Variants in CYBRD1 observed in about 807,000 individuals in gnomAD.
CYBRD1 encodes the protein cytochrome b reductase 1.
A neutral mutation model predicts 21.9 loss-of-function variants in CYBRD1; 14 were observed. The observed-to-expected ratio is 0.64, with a 90% CI of 0.42 to 1.00. The LOEUF (loss-of-function observed/expected upper bound fraction) is 1.00, where lower values mean the gene tolerates loss of function less well. CYBRD1 is among the 50% of genes least tolerant of loss of function. The pLI is 0.00. For missense variants in CYBRD1, 328 were observed against 352.5 expected, an observed-to-expected ratio of 0.93 and a Z score of 0.56; for synonymous variants, 146 against 136.5, an observed-to-expected ratio of 1.07 and a Z score of -0.48.
At position 171,522,536 on chromosome 2, in the gene CYBRD1, T is replaced by C; in HGVS notation, c.-10T>C. On this transcript the variant is annotated 5_prime_UTR_variant, in exon 1 of 4. It removes an upstream start codon present in the reference 5' UTR. Transcript: ENST00000321348. This position sits in a 1 kb window ranked among gnomAD's most constrained non-coding sequence, Gnocchi z 4.3. ...CTTGTGGCCCCCGCGGTGCGGAGTA[T>C]GGGGCGCTGATGGCCATGGAGGGCT... is the stretch of plus-strand genomic sequence containing the variant. 1 of 1,590,724 alleles carries C rather than the reference T, an allele frequency of 6.3e-7. No homozygotes were observed. The highest frequency in any genetic ancestry group is 8.5e-7 in the Non-Finnish European group (1 of 1,169,816).
intron 1 of CYBRD1, among the ~76,000 whole-genome samples, chr2:171,539,118 C>T (rs980703332): frequency 1.3e-5 from 2 of 152,112 alleles, no homozygotes; most frequent in Non-Finnish European, 2.9e-5. Flanking sequence ...TGCGCCTGGC[C>T]TGAAGTTTTA....
rs575086890 is a variant in CYBRD1 at position 171,543,664 on chromosome 2, A to G, written c.402+1871A>G. ...TTGATTAATTAAACAAGATGTTTAA[A>G]TATTGATTAATTAAATCATATATTG... On this transcript the variant is annotated intron_variant, in intron 2 of 3. Transcript: ENST00000321348. Among the ~76,000 whole-genome samples the G allele has an allele frequency of 9.9e-5, 15 of 151,774 alleles. No homozygotes were observed. In the South Asian group the frequency reaches 2.7e-3, roughly 27 times the overall value.
chr2:171,556,537 AAAC>A lies in CYBRD1; in HGVS notation c.*1712_*1714del, dbSNP rs1193103553. 3 of 152,176 alleles carry A rather than the reference AAAC, an allele frequency of 2.0e-5. No individual in the cohort carries two copies. The East Asian group carries it at 5.8e-4, about 29-fold the overall frequency. The allele number at this position is 152,176 out of a possible 1,614,324, so 9.4% of individuals were successfully genotyped here. A position where few individuals can be genotyped will look rare whatever the true frequency, so the allele number is the denominator to read the frequency against. ...GTAGAAACTCTACACCAAATACACT[AAAC>A]ATTTTGGTGCTTAGTGGATTTCTTT... On this transcript the variant is annotated 3_prime_UTR_variant, in exon 4 of 4. Coordinates refer to ENST00000321348, the MANE Select transcript of CYBRD1 (RefSeq NM_024843.4).
chr2:171,554,581 C>G lies in CYBRD1; in HGVS notation c.615C>G (p.Gly205=). ...AAGGTGTTTTCGTAAATACGCTTGG[C>G]CTTCTGATCCTGGTGTTCGGGGCCC... is the stretch of plus-strand genomic sequence containing the variant. ...PPEGVFVNTL[G]LLILVFGALI... Residue 205 remains glycine (G), a synonymous_variant, in exon 4 of 4, where the codon GGC becomes GGG. Coordinates refer to ENST00000321348, the MANE Select transcript of CYBRD1 (RefSeq NM_024843.4). 1 of 1,613,910 alleles carries G rather than the reference C, an allele frequency of 6.2e-7. No homozygotes were observed. The highest frequency in any genetic ancestry group is 8.5e-7 in the Non-Finnish European group (1 of 1,179,890).
At position 171,554,509 on chromosome 2, in the gene CYBRD1, T is replaced by C; in HGVS notation, c.558-15T>C. On this transcript the variant is annotated splice_polypyrimidine_tract_variant and intron_variant, in intron 3 of 3. Coordinates refer to ENST00000321348, the MANE Select transcript of CYBRD1 (RefSeq NM_024843.4). ...ATCATCCTGTTTGTAATTGGATACA[T>C]CTCTTATTTCATAGGAGAGATCCTG... is the stretch of plus-strand genomic sequence containing the variant. 2 of 1,613,256 alleles carry C rather than the reference T, an allele frequency of 1.2e-6. No individual in the cohort carries two copies. The highest frequency in any genetic ancestry group is 1.7e-6 in the Non-Finnish European group (2 of 1,179,392).
chr2:171,538,286 T>TA (rs1261657848), intron 1 of CYBRD1, among the ~76,000 whole-genome samples: 1 of 152,028 alleles, frequency 6.6e-6, no homozygotes, highest in Admixed American at 6.6e-5. Flanking sequence ...TACAGAGATT[T>TA]AAAAAATACT....
intron 1 of CYBRD1, among the ~76,000 whole-genome samples, chr2:171,523,953 T>A (rs751652126): frequency 6.6e-6 from 1 of 152,360 alleles, no homozygotes; most frequent in Non-Finnish European, 1.5e-5. Context: ...AATCTCTAGC[T>A]TTGCCTGCGG....
In CYBRD1 at chr2:171,522,845, G is replaced by A; in HGVS notation, c.193+107G>A. On this transcript the variant is annotated intron_variant, in intron 1 of 3. Coordinates refer to ENST00000321348, the MANE Select transcript of CYBRD1 (RefSeq NM_024843.4). The surrounding 1 kb of genome is among the most constrained non-coding windows in gnomAD (Gnocchi z 4.3). ...AGCTGAGGAAGTGCTGGAGGATCGC[G>A]GGGCCCGGAGGAGTGCGGTGAGGAG... The A allele has an allele frequency of 6.5e-7, 1 of 1,530,946 alleles. No homozygotes were observed. The highest frequency in any genetic ancestry group is 8.8e-7 in the Non-Finnish European group (1 of 1,135,422). 94.8% of individuals were successfully genotyped at this position (1,530,946 alleles called of 1,614,324 possible).
intron 1 of CYBRD1, among the ~76,000 whole-genome samples, chr2:171,541,377 G>A (rs1247487388): frequency 6.6e-6 from 1 of 152,108 alleles, no homozygotes; most frequent in African/African-American, 2.4e-5. Context: ...TCACAAGTTG[G>A]GAGTGAAGAA....
intron 1 of CYBRD1, among the ~76,000 whole-genome samples, chr2:171,530,191 T>C (rs1395182686): frequency 2.0e-5 from 3 of 152,226 alleles, no homozygotes; most frequent in Non-Finnish European, 4.4e-5. Flanking sequence ...CCTGCTATTA[T>C]AACACCTTGA....
At chr2:171,526,374 C>G (rs1428049070) in intron 1 of CYBRD1, among the ~76,000 whole-genome samples, 2 of 152,044 alleles carry the variant, frequency 1.3e-5, no homozygotes, top group Non-Finnish European at 2.9e-5. Context: ...CTCACCCTCT[C>G]TCTCCTTGTC....
chr2:171,557,871 G>C lies in CYBRD1; in HGVS notation c.*3044G>C, dbSNP rs1389097698. 6.6e-6 allele frequency: 1 copy of C among 151,966 alleles called. No homozygotes were observed. The highest frequency in any genetic ancestry group is 1.5e-5 in the Non-Finnish European group (1 of 67,962). The allele number at this position is 151,966 out of a possible 1,614,324, so 9.4% of individuals were successfully genotyped here. On this transcript the variant is annotated 3_prime_UTR_variant, in exon 4 of 4. Transcript: ENST00000321348. ...TTCAATATGATAGAAAATTTATCTTGGTATGTCCTTTTTTAGATAACTCCA... is the reference window on the plus strand; with the variant it reads ...TTCAATATGATAGAAAATTTATCTTCGTATGTCCTTTTTTAGATAACTCCA...
chr2:171,525,124 G>T (rs1697365676), intron 1 of CYBRD1, among the ~76,000 whole-genome samples: 1 of 152,136 alleles, frequency 6.6e-6, no homozygotes, highest in Admixed American at 6.5e-5. Flanking sequence ...TTTTAGTAGA[G>T]ACGGGGTTTC....
chr2:171,545,991 A>G (rs755448942), intron 2 of CYBRD1, among the ~76,000 whole-genome samples: 7 of 152,172 alleles, frequency 4.6e-5, no homozygotes, highest in Non-Finnish European at 8.8e-5. Flanking sequence ...TTAAAAACAT[A>G]TTTGTCTCAA....
intron 1 of CYBRD1, among the ~76,000 whole-genome samples, chr2:171,528,231 A>G (rs552366377): frequency 2.0e-5 from 3 of 152,066 alleles, no homozygotes; most frequent in African/African-American, 7.2e-5. Flanking sequence ...GATTACAGGT[A>G]TGCACCACGA....
Position 171,541,701 on chromosome 2 carries a change from G to T in CYBRD1, c.310G>T (p.Val104Leu), listed in dbSNP as rs377410616. Residue 104 changes from valine to leucine, a missense_variant, in exon 2 of 4, where the codon GTG becomes TTG. Val to Leu is a conservative substitution (Grantham distance 32, BLOSUM62 1). Transcript: ENST00000321348. ...AILAIISVVAVFENHNVNNIA... is the reference protein window; with the variant it reads ...AILAIISVVALFENHNVNNIA... ...TCTTGCAATTATCTCTGTGGTGGCC[G>T]TGTTTGAGAACCACAATGTTAACAA... 4.3e-6 allele frequency: 7 copies of T among 1,613,624 alleles called. No individual in the cohort carries two copies. In the African/African-American group the frequency reaches 5.3e-5, roughly 12 times the overall value.
intron 1 of CYBRD1, among the ~76,000 whole-genome samples, chr2:171,529,223 A>G (rs1697428037): frequency 6.6e-6 from 1 of 152,204 alleles, no homozygotes; most frequent in African/African-American, 2.4e-5. Context: ...TCTGGATTCA[A>G]CTAAACATTC....
chr2:171,527,729 T>G (rs1312845254), intron 1 of CYBRD1, among the ~76,000 whole-genome samples: 1 of 152,212 alleles, frequency 6.6e-6, no homozygotes, highest in African/African-American at 2.4e-5. Flanking sequence ...CCCAACTGGC[T>G]TATTTCCAAC....
At position 171,553,591 on chromosome 2, in the gene CYBRD1, AT is replaced by A. The variant is rs1048523371; in HGVS notation, c.557+97del. 4 of 1,132,362 alleles carry A rather than the reference AT, an allele frequency of 3.5e-6. No individual in the cohort carries two copies. In the African/African-American group the frequency reaches 4.8e-5, roughly 14 times the overall value. The allele number at this position is 1,132,362 out of a possible 1,614,324, so 70.1% of individuals were successfully genotyped here. A position where few individuals can be genotyped will look rare whatever the true frequency, so the allele number is the denominator to read the frequency against. ...GAAAATGTAATAAAAATATAACAAA[AT>A]TTTTTAGATATTAAAATTAAAAAAT... On this transcript the variant is annotated intron_variant, in intron 3 of 3. Transcript: ENST00000321348.
Sources: allele counts gnomAD v4.1 joint callset (sites outside exome capture counted in the v4.1 genomes callset), GRCh38; gene constraint gnomAD v4.1.1; non-coding constraint Gnocchi (gnomAD v3.1); transcripts MANE v1.5; gene names NCBI Gene and HGNC (gene_info 2026-07-23, HGNC 2026-07-21).